The following LAMA5 variants were observed in gnomAD, a reference collection of about 807,000 sequenced individuals.
LAMA5 encodes laminin subunit alpha-5.
Under a neutral mutation model 433.4 loss-of-function variants are expected in LAMA5, and 260 were observed. The ratio of observed to expected loss-of-function variants is 0.60; its 90% confidence interval spans 0.54 to 0.66. The LOEUF is 0.66. LAMA5 is among the 30% of genes least tolerant of loss of function. The pLI, the probability that LAMA5 is intolerant of heterozygous loss-of-function variation, is 0.00. For synonymous variants in LAMA5, 2,620 were observed against 2,226.6 expected (o/e 1.18, Z -4.97); for missense variants, 5,378 against 5,258.5 (o/e 1.02, Z -0.70).
At chr20:62,346,485 C>A in intron 9 of LAMA5, 21 bp downstream of exon 9, 2 of 1,548,084 alleles carry the variant, frequency 1.3e-6, no homozygotes, top group South Asian at 1.2e-5. Flanking sequence ...CCAGGACACC[C>A]GCCCAGCTGA....
At chr20:62,353,932 C>T (rs887304314) in intron 2 of LAMA5, among the ~76,000 whole-genome samples, 1 of 152,110 alleles carries the variant, frequency 6.6e-6, no homozygotes, top group Non-Finnish European at 1.5e-5. Flanking sequence ...GCTGAGTCTG[C>T]CTCGGAGACT....
rs1344513395 is a variant in LAMA5 at position 62,309,118 on chromosome 20, CAA to C, written c.*216_*217del. 1 of 608,462 alleles carries C rather than the reference CAA, an allele frequency of 1.6e-6. No homozygotes were observed. The highest frequency in any genetic ancestry group is 1.9e-5 in the African/African-American group (1 of 53,546). 37.7% of individuals were successfully genotyped at this position (608,462 alleles called of 1,614,324 possible). On this transcript the variant is annotated 3_prime_UTR_variant, in exon 80 of 80. Coordinates refer to ENST00000252999, the MANE Select transcript of LAMA5 (RefSeq NM_005560.6). ...AGGAGGAACCAGTGATGATTGGTGACAAATCTCTCACAATTAAAAATGGGTGG... is the reference window on the plus strand; with the variant it reads ...AGGAGGAACCAGTGATGATTGGTGACATCTCTCACAATTAAAAATGGGTGG...
Position 62,314,825 on chromosome 20 carries a change from C to T in LAMA5, c.8170G>A (p.Ala2724Thr). 6.2e-7 allele frequency: 1 copy of T among 1,612,880 alleles called. No individual in the cohort carries two copies. Among genetic ancestry groups the T allele is most frequent in the Non-Finnish European group, 8.5e-7 (1 of 1,179,940 alleles). The change falls in exon 60 of 80, where the codon GCC (alanine) becomes ACC (threonine). Residue 2724 changes from alanine (A) to threonine (T), a missense_variant. Transcript: ENST00000252999. ...TTACTGGCAGCCCCCCGGGCCTGGG[C>T]AATGAGCTCTCGCACGCGGCCAATG... is the stretch of plus-strand genomic sequence containing the variant. ...ASIGRVRELI[A>T]QARGAASKVK...
chr20:62,324,370 G>A lies in LAMA5; in HGVS notation c.5643+71C>T, dbSNP rs1476125474. The stretch of plus-strand genomic sequence containing the variant: ...CAGTTGACCTGGAAGTGCAGCCCCT[G>A]GTCTTCCCTGGCACACTTGACTGTG... On this transcript the variant is annotated intron_variant, in intron 42 of 79. Coordinates refer to ENST00000252999, the MANE Select transcript of LAMA5 (RefSeq NM_005560.6). The surrounding 1 kb of genome is among the most constrained non-coding windows in gnomAD (Gnocchi z 4.4). The A allele has an allele frequency of 1.4e-6, 2 of 1,437,832 alleles. No individual in the cohort carries two copies. Among genetic ancestry groups the A allele is most frequent in the Middle Eastern group, 1.7e-4 (1 of 5,736 alleles). 89.1% of individuals were successfully genotyped at this position (1,437,832 alleles called of 1,614,324 possible).
At chr20:62,364,898 T>A (rs1186163738) in intron 1 of LAMA5, among the ~76,000 whole-genome samples, 2 of 152,274 alleles carry the variant, frequency 1.3e-5, no homozygotes, top group African/African-American at 4.8e-5. Flanking sequence ...CCCCCTCAGA[T>A]GGAGCTGCGG....
chr20:62,361,095 C>T (rs1034487272), intron 2 of LAMA5, among the ~76,000 whole-genome samples: 20 of 152,112 alleles, frequency 1.3e-4, no homozygotes, highest in Non-Finnish European at 2.6e-4. Context: ...CTTCCCGCCC[C>T]GAGCAGCTGA....
Position 62,329,868 on chromosome 20 carries a change from A to G in LAMA5, c.4028T>C (p.Leu1343Pro). 6.2e-7 allele frequency: 1 copy of G among 1,611,394 alleles called. No individual in the cohort carries two copies. Among genetic ancestry groups the G allele is most frequent in the East Asian group, 2.2e-5 (1 of 44,864 alleles). ...CAGGGCCTGGCCCTCACACACCACC[A>G]GGGTGCGGCAGCCGTAGCCATGTGG... Reference protein sequence around the residue: ...FCPHGYGCRTLVVCEGQALLD... With the variant: ...FCPHGYGCRTPVVCEGQALLD... The change falls in exon 32 of 80, where the codon CTG becomes CCG. Residue 1343 changes from leucine (L) to proline (P), a missense_variant. Leu to Pro is a moderately conservative substitution (Grantham distance 98). Transcript: ENST00000252999.
chr20:62,322,156 G>A lies in LAMA5; in HGVS notation c.6359C>T (p.Pro2120Leu). ...CGTGTGAGGGTCACAGCGGCCCCCAGGGCACTGGCAGCCTGTGGTGGGGGG... is the reference window on the plus strand; with the variant it reads ...CGTGTGAGGGTCACAGCGGCCCCCAAGGCACTGGCAGCCTGTGGTGGGGGG... Reference protein sequence around the residue: ...PEQGCRRCQCPGGRCDPHTGR... With the variant: ...PEQGCRRCQCLGGRCDPHTGR... The change falls in exon 48 of 80, where the codon CCT becomes CTT. Residue 2120 changes from proline (P) to leucine (L), a missense_variant. Transcript: ENST00000252999. 6.3e-7 allele frequency: 1 copy of A among 1,596,546 alleles called. No individual in the cohort carries two copies. Among genetic ancestry groups the A allele is most frequent in the Non-Finnish European group, 8.5e-7 (1 of 1,173,956 alleles).
rs1979552804 is a variant in LAMA5 at position 62,327,688 on chromosome 20, T to C, written c.4798-19A>G. 2 of 1,607,858 alleles carry C rather than the reference T, an allele frequency of 1.2e-6. No homozygotes were observed. Among genetic ancestry groups the C allele is most frequent in the Admixed American group, 3.3e-5 (2 of 59,880 alleles). ...CGTTCTCCTAGGGATGAGAGGACAG[T>C]GAGAGTGGTCGGCAGGTGCCAGGTG... On this transcript the variant is annotated intron_variant, in intron 36 of 79. Transcript: ENST00000252999.
At position 62,313,661 on chromosome 20, in the gene LAMA5, G is replaced by A. The variant is rs753722149; in HGVS notation, c.8646C>T (p.Pro2882=). 160 of 1,612,618 alleles carry A rather than the reference G, an allele frequency of 9.9e-5. No homozygotes were observed. In the South Asian group the frequency reaches 1.3e-3, roughly 13 times the overall value. ...DDFVFYVGGY[P]STFTPPPLLR... ...CGGGCGGGCTCACCGTGAAGGTACTGGGGTACCCCCCGACGTAGAAGACGA... is the reference window on the plus strand; with the variant it reads ...CGGGCGGGCTCACCGTGAAGGTACTAGGGTACCCCCCGACGTAGAAGACGA... Residue 2882 remains proline (P), a synonymous_variant, in exon 63 of 80, where the codon CCC becomes CCT. Transcript: ENST00000252999.
Position 62,316,984 on chromosome 20 carries a change from C to T in LAMA5, c.7551G>A (p.Arg2517=). The T allele has an allele frequency of 1.3e-6, 2 of 1,556,108 alleles. No homozygotes were observed. Among genetic ancestry groups the T allele is most frequent in the Non-Finnish European group, 1.7e-6 (2 of 1,148,100 alleles). ...LDVNQDRLTQ[R]AIEASNAYSR... ...TGTAGGCGTTGGAGGCCTCGATGGC[C>T]CTCTGGGTGAGGCGGTCCTGGTTGA... The change falls in exon 56 of 80, where the codon AGG becomes AGA. Residue 2517 remains arginine, a synonymous_variant. Coordinates refer to ENST00000252999, the MANE Select transcript of LAMA5 (RefSeq NM_005560.6).
Position 62,336,727 on chromosome 20 carries a change from G to A in LAMA5, c.2217+7C>T, listed in dbSNP as rs1981695181. 11 of 1,613,044 alleles carry A rather than the reference G, an allele frequency of 6.8e-6. No individual in the cohort carries two copies. The highest frequency in any genetic ancestry group is 1.1e-5 in the South Asian group (1 of 91,072). On this transcript the variant is annotated splice_region_variant and intron_variant, in intron 17 of 79. Transcript: ENST00000252999. Reference sequence around the variant, plus strand: ...CATCTCCCACACACGAGCAGACTTGGGCTCACCTCAGGAAGGGCAGGATCC... The same window carrying A: ...CATCTCCCACACACGAGCAGACTTGAGCTCACCTCAGGAAGGGCAGGATCC...
intron 1 of LAMA5, among the ~76,000 whole-genome samples, chr20:62,364,568 G>A (rs1986510878): frequency 6.6e-6 from 1 of 152,198 alleles, no homozygotes; most frequent in South Asian, 2.1e-4. Flanking sequence ...GCTGCGGAGG[G>A]TCCCGTGAGA....
chr20:62,352,767 G>C (rs918072476), intron 3 of LAMA5, among the ~76,000 whole-genome samples: 4 of 152,182 alleles, frequency 2.6e-5, no homozygotes, highest in African/African-American at 9.7e-5. Context: ...GGGACGGCCA[G>C]CATCCGGGCT....
chr20:62,334,076 C>G, intron 22 of LAMA5, 37 bp from the exon 23 acceptor site: 1 of 1,596,504 alleles, frequency 6.3e-7, no homozygotes. Flanking sequence ...CTCTCCCTGA[C>G]CACTGCCAGC....
chr20:62,342,298 A>C lies in LAMA5; in HGVS notation c.1477+3520T>G, dbSNP rs1175061505. The C allele has an allele frequency of 1.9e-5, 7 of 373,784 alleles. No homozygotes were observed. The East Asian group carries it at 9.0e-4, about 48-fold the overall frequency. The allele number at this position is 373,784 out of a possible 1,614,324, so 23.2% of individuals were successfully genotyped here. ...AGCCTGGACGACAGAGTGAAACTCC[A>C]TCTCAAAAAAAAAAGATGAGGTAGA... is the stretch of plus-strand genomic sequence containing the variant. On this transcript the variant is annotated intron_variant, in intron 11 of 79. Transcript: ENST00000252999.
rs1323227270 is a variant in LAMA5 at position 62,311,206 on chromosome 20, G to A, written c.10044C>T (p.Ser3348=). Residue 3348 remains serine, a synonymous_variant, in exon 73 of 80, where the codon TCC becomes TCT. Coordinates refer to ENST00000252999, the MANE Select transcript of LAMA5 (RefSeq NM_005560.6). Reference sequence around the variant, plus strand: ...GGATGCCCACAAACTCCAGGTGACTGGACAGGGAACCCCCAAACTGGTAGG... The same window carrying A: ...GGATGCCCACAAACTCCAGGTGACTAGACAGGGAACCCCCAAACTGGTAGG... ...RDSYQFGGSL[S]SHLEFVGILA... is the part of the protein sequence containing the mutation. 1.9e-6 allele frequency: 3 copies of A among 1,609,794 alleles called. No individual in the cohort carries two copies. The highest frequency in any genetic ancestry group is 1.7e-5 in the Admixed American group (1 of 59,346).
rs753388534 is a variant in LAMA5 at position 62,332,618 on chromosome 20, C to A, written c.3382G>T (p.Val1128Leu). The A allele has an allele frequency of 2.5e-6, 4 of 1,605,246 alleles. No homozygotes were observed. In the Admixed American group the frequency reaches 6.8e-5, roughly 27 times the overall value. The change falls in exon 27 of 80, where the codon GTG (valine) becomes TTG (leucine). Residue 1128 changes from valine to leucine, a missense_variant. By Grantham distance (32) the Val-to-Leu change is conservative. Transcript: ENST00000252999. ...TGGGGGGCCCGCTGTGGGGTGTGCA[C>A]GGCCACGCCCACCTCCTGGCGGGCA... ...EDARQEVGVA[V>L]HTPQRAPQQG...
Position 62,327,974 on chromosome 20 carries a change from G to A in LAMA5, c.4689C>T (p.Thr1563=). The A allele has an allele frequency of 2.5e-6, 4 of 1,612,394 alleles. No individual in the cohort carries two copies. The highest frequency in any genetic ancestry group is 3.4e-6 in the Non-Finnish European group (4 of 1,179,900). Residue 1563 remains threonine, a synonymous_variant, in exon 36 of 80, where the codon ACC becomes ACT. Transcript: ENST00000252999. Reference sequence around the variant, plus strand: ...GGTAGCCATGGAAGCCCGGAGAGCAGGTATCACAGCGGCGCCCAGTCACGT... The same window carrying A: ...GGTAGCCATGGAAGCCCGGAGAGCAAGTATCACAGCGGCGCCCAGTCACGT... ...RPNVTGRRCD[T]CSPGFHGYPR... is the part of the protein sequence containing the mutation.
Sources: gnomAD v4.1 joint callset for allele counts (sites outside exome capture counted in the v4.1 genomes callset) on GRCh38, gnomAD v4.1.1 for gene constraint, Gnocchi (gnomAD v3.1) non-coding constraint, MANE v1.5 for transcripts, NCBI Gene and HGNC (gene_info 2026-07-23, HGNC 2026-07-21) for gene names.